Variants in KCNQ1 observed in about 807,000 individuals in gnomAD.
KCNQ1 encodes potassium voltage-gated channel subfamily KQT member 1.
Under a neutral mutation model 72.4 loss-of-function variants are expected in KCNQ1, and 49 were observed. The observed-to-expected ratio is 0.68, with a 90% CI of 0.54 to 0.86. The LOEUF is 0.86. Ranked by LOEUF, KCNQ1 falls within the 40% of genes least tolerant of loss-of-function variation. KCNQ1 has a pLI of 0.00. For synonymous variants in KCNQ1, 450 were observed against 412.6 expected (o/e 1.09, Z -1.10); for missense variants, 790 against 945.1 (o/e 0.84, Z 2.15).
In KCNQ1 at chr11:2,803,149, G is replaced by T. The variant is rs1250934604; in HGVS notation, c.1794+25112G>T. Among the ~76,000 whole-genome samples, 1 of 62,468 alleles carries T rather than the reference G, an allele frequency of 1.6e-5. No homozygotes were observed. The highest frequency in any genetic ancestry group is 6.3e-5 in the African/African-American group (1 of 15,950). 41.0% of individuals were successfully genotyped at this position (62,468 alleles called of 152,430 possible). A position where few individuals can be genotyped will look rare whatever the true frequency, so the allele number is the denominator to read the frequency against. Reference sequence around the variant, plus strand: ...GGCTCAGGGTAGCCCAGAAAACCCAGCCGGGCCCCCCCCCCCACGGGCACC... The same window carrying T: ...GGCTCAGGGTAGCCCAGAAAACCCATCCGGGCCCCCCCCCCCACGGGCACC... On this transcript the variant is annotated intron_variant, in intron 15 of 15. Transcript: ENST00000155840. This position sits in a 1 kb window ranked among gnomAD's most constrained non-coding sequence, Gnocchi z 6.4.
chr11:2,786,933 G>A (rs1846925294), intron 15 of KCNQ1, among the ~76,000 whole-genome samples: 1 of 115,346 alleles, frequency 8.7e-6, no homozygotes, highest in Non-Finnish European at 1.9e-5. Flanking sequence ...CATTCATGGT[G>A]TTTCATTTCG....
rs1305438398 is a variant in KCNQ1, at chr11:2,847,623, A to G, written c.1795-144A>G. 8.2e-6 allele frequency: 6 copies of G among 731,600 alleles called. No homozygotes were observed. In the African/African-American group the frequency reaches 1.0e-4, roughly 13 times the overall value. The allele number at this position is 731,600 out of a possible 1,614,324, so 45.3% of individuals were successfully genotyped here. On this transcript the variant is annotated intron_variant, in intron 15 of 15. Coordinates refer to ENST00000155840, the MANE Select transcript of KCNQ1 (RefSeq NM_000218.3). ...AGGGCCTTGCAGACATAGGGTGCACACGTGCGTGCCGCCTGCATACAGCAT... is the reference window on the plus strand; with the variant it reads ...AGGGCCTTGCAGACATAGGGTGCACGCGTGCGTGCCGCCTGCATACAGCAT...
At chr11:2,700,476 C>T (rs899711997) in intron 11 of KCNQ1, among the ~76,000 whole-genome samples, 1 of 152,144 alleles carries the variant, frequency 6.6e-6, no homozygotes, top group African/African-American at 2.4e-5. Context: ...CGAGACCAGC[C>T]CCTCCGCCGG....
At chr11:2,718,264 G>C (rs992270363) in intron 11 of KCNQ1, among the ~76,000 whole-genome samples, 1 of 152,178 alleles carries the variant, frequency 6.6e-6, no homozygotes, top group Non-Finnish European at 1.5e-5. Context: ...GGCTTCAGGG[G>C]CCTGAGCCCC....
chr11:2,683,143 G>C lies in KCNQ1; in HGVS notation c.1514+21062G>C, dbSNP rs1850426765. On this transcript the variant is annotated intron_variant, in intron 11 of 15. Coordinates refer to ENST00000155840, the MANE Select transcript of KCNQ1 (RefSeq NM_000218.3). This position sits in a 1 kb window ranked among gnomAD's most constrained non-coding sequence, Gnocchi z 4.7. Reference sequence around the variant, plus strand: ...CCAACTCAGGAGGGTGTGGGGATGGGCTAGCATTAGGAATGGGTATTAGCA... The same window carrying C: ...CCAACTCAGGAGGGTGTGGGGATGGCCTAGCATTAGGAATGGGTATTAGCA... 1 of 398,452 alleles carries C rather than the reference G, an allele frequency of 2.5e-6. No individual in the cohort carries two copies. The highest frequency in any genetic ancestry group is 1.3e-4 in the South Asian group (1 of 7,860). The allele number at this position is 398,452 out of a possible 1,614,324, so 24.7% of individuals were successfully genotyped here.
intron 15 of KCNQ1, among the ~76,000 whole-genome samples, chr11:2,801,630 G>A (rs767510766): frequency 3.9e-5 from 6 of 152,132 alleles, no homozygotes; most frequent in Non-Finnish European, 5.9e-5. Flanking sequence ...TAAAGGCCTC[G>A]TCTCCAAACA....
intron 6 of KCNQ1, among the ~76,000 whole-genome samples, chr11:2,580,794 C>A (rs866626028): frequency 3.3e-5 from 5 of 152,246 alleles, no homozygotes; most frequent in African/African-American, 1.2e-4. Context: ...TCAGCCTGAC[C>A]TTGTCCTCCC....
chr11:2,812,595 C>T (rs574354191), intron 15 of KCNQ1, among the ~76,000 whole-genome samples: 167 of 152,330 alleles, frequency 1.1e-3, no homozygotes, highest in African/African-American at 3.0e-3. Flanking sequence ...CAGGGGCTCC[C>T]GGCTTTCTCT....
chr11:2,658,968 A>G lies in KCNQ1; in HGVS notation c.1394-2993A>G, dbSNP rs552688554. ...TAGGACAGACTTTTGCTTTAACCAT[A>G]GAGTGTCCAGTCAAAACAGTGTTTT... On this transcript the variant is annotated intron_variant, in intron 10 of 15. Coordinates refer to ENST00000155840, the MANE Select transcript of KCNQ1 (RefSeq NM_000218.3). This position sits in a 1 kb window ranked among gnomAD's most constrained non-coding sequence, Gnocchi z 4.9. 7 of 398,564 alleles carry G rather than the reference A, an allele frequency of 1.8e-5. No individual in the cohort carries two copies. In the East Asian group the frequency reaches 2.1e-4, roughly 12 times the overall value. The allele number at this position is 398,564 out of a possible 1,614,324, so 24.7% of individuals were successfully genotyped here. A position where few individuals can be genotyped will look rare whatever the true frequency, so the allele number is the denominator to read the frequency against.
In KCNQ1 at chr11:2,703,546, G is replaced by C. The variant is rs553244172; in HGVS notation, c.1514+41465G>C. ...AGAATTAGGCTCAAAACGTCCACTC[G>C]GCTTTTCTCTTGATTCCAAGGTATT... On this transcript the variant is annotated intron_variant, in intron 11 of 15. Coordinates refer to ENST00000155840, the MANE Select transcript of KCNQ1 (RefSeq NM_000218.3). This position sits in a 1 kb window ranked among gnomAD's most constrained non-coding sequence, Gnocchi z 6.4. 2.6e-5 allele frequency among the ~76,000 whole-genome samples: 4 copies of C among 152,176 alleles called. No individual in the cohort carries two copies.
At chr11:2,469,949 C>G (rs1476821280) in intron 1 of KCNQ1, among the ~76,000 whole-genome samples, 1 of 152,190 alleles carries the variant, frequency 6.6e-6, no homozygotes, top group Non-Finnish European at 1.5e-5. Flanking sequence ...CATGAGCCAC[C>G]ACGCCCGGCC....
intron 15 of KCNQ1, among the ~76,000 whole-genome samples, chr11:2,797,459 G>T (rs233442): frequency 0.87 from 132,259 of 152,236 alleles, 57,557 homozygotes; most frequent in East Asian, 0.92. Context: ...AGGTCGGGCT[G>T]GGCTGGCCTC....
At chr11:2,644,819 C>T (rs1034199758) in intron 10 of KCNQ1, 2 of 398,534 alleles carry the variant, frequency 5.0e-6, no homozygotes, top group African/African-American at 2.1e-5. Context: ...CTGTAAACAG[C>T]ACCAGTAGTG....
rs954241867 is a variant in KCNQ1, at chr11:2,593,911, C to T, written c.1393+5057C>T. Reference sequence around the variant, plus strand: ...CAGTTGAGATCAAAAGTCACCCCAACTCCTCTGAAACCTCACTGGGACCTC... The same window carrying T: ...CAGTTGAGATCAAAAGTCACCCCAATTCCTCTGAAACCTCACTGGGACCTC... On this transcript the variant is annotated intron_variant, in intron 10 of 15. Transcript: ENST00000155840. The surrounding 1 kb of genome is among the most constrained non-coding windows in gnomAD (Gnocchi z 6.9). Among the ~76,000 whole-genome samples, 3 of 152,216 alleles carry T rather than the reference C, an allele frequency of 2.0e-5. No homozygotes were observed. Among genetic ancestry groups the T allele is most frequent in the Non-Finnish European group, 4.4e-5 (3 of 68,034 alleles).
At chr11:2,740,722 G>A (rs1564877898) in intron 11 of KCNQ1, among the ~76,000 whole-genome samples, 1 of 152,202 alleles carries the variant, frequency 6.6e-6, no homozygotes, top group Non-Finnish European at 1.5e-5. Flanking sequence ...TGCTCCTAGG[G>A]GCGCCCACAT....
chr11:2,646,168 T>C, intron 10 of KCNQ1: 2 of 398,680 alleles, frequency 5.0e-6, no homozygotes, highest in East Asian at 3.6e-5. Context: ...AGGCGATCTA[T>C]ATAAACTGTG....
chr11:2,741,729 G>A (rs541599409), intron 11 of KCNQ1, among the ~76,000 whole-genome samples: 21 of 152,374 alleles, frequency 1.4e-4, no homozygotes, highest in African/African-American at 1.7e-4. Context: ...TGCTCGGGCC[G>A]GAGCACAGCC....
intron 15 of KCNQ1, among the ~76,000 whole-genome samples, chr11:2,810,573 C>T (rs1423092875): frequency 6.6e-6 from 1 of 152,216 alleles, no homozygotes; most frequent in African/African-American, 2.4e-5. Flanking sequence ...GCATTCCGCC[C>T]TCATTTGATG....
intron 1 of KCNQ1, 120 bp from the exon 2 acceptor site, chr11:2,527,808 C>T (rs1455388781): frequency 7.2e-6 from 6 of 829,400 alleles, no homozygotes; most frequent in Admixed American, 3.8e-5. Flanking sequence ...ACTGGGTTTT[C>T]GAAGCACTGT....
Sources: allele counts gnomAD v4.1 joint callset (sites outside exome capture counted in the v4.1 genomes callset), GRCh38; gene constraint gnomAD v4.1.1; non-coding constraint Gnocchi (gnomAD v3.1); transcripts MANE v1.5; gene names NCBI Gene and HGNC (gene_info 2026-07-23, HGNC 2026-07-21).